SEC22A: variants seen among roughly 807,000 people sequenced by gnomAD.
SEC22A encodes vesicle-trafficking protein SEC22a.
SEC22A carries 22 observed loss-of-function variants against 35.3 expected under a neutral mutation model. That is an observed-to-expected ratio of 0.62 (90% CI 0.45 to 0.89). The LOEUF is 0.89. SEC22A is among the 40% of genes least tolerant of loss of function. The pLI, the probability that SEC22A is intolerant of heterozygous loss-of-function variation, is 0.00. For missense variants in SEC22A, 354 were observed against 362.5 expected (o/e 0.98, Z 0.19); for synonymous variants, 119 against 129.5 (o/e 0.92, Z 0.55).
chr3:123,240,451 A>G (rs568821417), intron 4 of SEC22A, among the ~76,000 whole-genome samples: 2 of 152,308 alleles, frequency 1.3e-5, no homozygotes, highest in East Asian at 3.9e-4. Context: ...TCATACATAC[A>G]TGTTGCCTGT....
chr3:123,264,399 G>A (rs1937974202), intron 6 of SEC22A, among the ~76,000 whole-genome samples: 1 of 152,106 alleles, frequency 6.6e-6, no homozygotes, highest in Non-Finnish European at 1.5e-5. Flanking sequence ...CAGAGTAGCT[G>A]TACCATTTTA....
intron 2 of SEC22A, among the ~76,000 whole-genome samples, chr3:123,215,268 T>C (rs1291436893): frequency 6.6e-6 from 1 of 152,248 alleles, no homozygotes; most frequent in Non-Finnish European, 1.5e-5. Context: ...GGAATCTTTC[T>C]CATTTCTACA....
chr3:123,225,468 C>T (rs1937204010), intron 4 of SEC22A, among the ~76,000 whole-genome samples, 171 bp downstream of exon 4: 1 of 152,142 alleles, frequency 6.6e-6, no homozygotes, highest in African/African-American at 2.4e-5. Flanking sequence ...AGATGTGTGA[C>T]TAATCGGGAA....
chr3:123,205,280 A>G (rs1936832746), intron 1 of SEC22A, among the ~76,000 whole-genome samples: 2 of 152,172 alleles, frequency 1.3e-5, no homozygotes, highest in African/African-American at 2.4e-5. Flanking sequence ...TTTTTTCCCT[A>G]AGAAAAATCT....
chr3:123,225,208 A>G lies in SEC22A; in HGVS notation c.452A>G (p.Tyr151Cys), dbSNP rs751918806. The G allele has an allele frequency of 1.2e-6, 2 of 1,613,728 alleles. No homozygotes were observed. Among genetic ancestry groups the G allele is most frequent in the East Asian group, 2.2e-5 (1 of 44,876 alleles). The part of the protein sequence containing the change: ...MQTEIKLRPP[Y>C]QISMCELGSA... ...ACGGAAATCAAGCTGAGGCCTCCTTATCAAATTTCCATGTGCGAACTGGGG... is the reference window on the plus strand; with the variant it reads ...ACGGAAATCAAGCTGAGGCCTCCTTGTCAAATTTCCATGTGCGAACTGGGG... The change falls in exon 4 of 7, where the codon TAT becomes TGT. Residue 151 changes from tyrosine to cysteine, a missense_variant. Physicochemically the swap from Tyr to Cys is radical, Grantham distance 194. Transcript: ENST00000492595.
chr3:123,254,732 CTTTTCT>C (rs1430009474), intron 5 of SEC22A, among the ~76,000 whole-genome samples: 8 of 145,318 alleles, frequency 5.5e-5, no homozygotes, highest in Admixed American at 3.4e-4. Flanking sequence ...TATTTCTTTT[CTTTTCT>C]TTTTTTTTAT....
rs757904850 is a variant in SEC22A at position 123,271,640 on chromosome 3, T to C, written c.842T>C (p.Phe281Ser). 9.9e-6 allele frequency: 16 copies of C among 1,614,234 alleles called. No homozygotes were observed. The highest frequency in any genetic ancestry group is 8.5e-7 in the Non-Finnish European group (1 of 1,180,038). ...CTGCGCAACCTCTGGCAGCTTTTCT[T>C]TCATGTGACTGTGGGAGCATTTGTT... ...YELRNLWQLF[F>S]HVTVGAFVTL... is the part of the protein sequence containing the mutation. The change falls in exon 7 of 7, where the codon TTT becomes TCT. Residue 281 changes from phenylalanine to serine, a missense_variant. Coordinates refer to ENST00000492595, the MANE Select transcript of SEC22A (RefSeq NM_012430.5).
At chr3:123,222,167 G>C (rs1004558817) in intron 2 of SEC22A, among the ~76,000 whole-genome samples, 1 of 151,198 alleles carries the variant, frequency 6.6e-6, no homozygotes, top group African/African-American at 2.4e-5. Context: ...ATTTGGACTA[G>C]TGTTAGGTAT....
At chr3:123,255,922 CT>C (rs35426251) in intron 5 of SEC22A, among the ~76,000 whole-genome samples, 267 of 143,610 alleles carry the variant, frequency 1.9e-3, no homozygotes, top group East Asian at 8.3e-3. Flanking sequence ...TTTCTTCTTT[CT>C]TTTTTTTTTT....
rs143699360 is a variant in SEC22A at position 123,205,494 on chromosome 3, C to A, written c.-20+3508C>A. 1.6e-4 allele frequency among the ~76,000 whole-genome samples: 24 copies of A among 152,214 alleles called. No individual in the cohort carries two copies. The East Asian group carries it at 4.6e-3, about 29-fold the overall frequency. ...ACTTGAGGTCAGAATTTGAGACCAG[C>A]CTGGCCAACACAGTTAAGCCCCATC... On this transcript the variant is annotated intron_variant, in intron 1 of 6. Transcript: ENST00000492595.
At chr3:123,236,454 A>G (rs1356660036) in intron 4 of SEC22A, among the ~76,000 whole-genome samples, 2 of 152,192 alleles carry the variant, frequency 1.3e-5, no homozygotes, top group Non-Finnish European at 2.9e-5. Flanking sequence ...AGGAGGATGG[A>G]GGCCCAGAGA....
chr3:123,251,296 C>A (rs1443295566), intron 5 of SEC22A, among the ~76,000 whole-genome samples: 1 of 152,060 alleles, frequency 6.6e-6, no homozygotes, highest in African/African-American at 2.4e-5. Flanking sequence ...TTAGAGTGGT[C>A]TTTTTTATTA....
intron 2 of SEC22A, among the ~76,000 whole-genome samples, chr3:123,219,923 G>T (rs1937092628): frequency 6.6e-6 from 1 of 152,050 alleles, no homozygotes; most frequent in Non-Finnish European, 1.5e-5. Context: ...TATACTTTGG[G>T]AAAACTAGCT....
At chr3:123,217,643 A>G (rs1937054785) in intron 2 of SEC22A, among the ~76,000 whole-genome samples, 1 of 152,210 alleles carries the variant, frequency 6.6e-6, no homozygotes, top group Admixed American at 6.5e-5. Context: ...CAGAGTTTCT[A>G]TGTATAGTGG....
intron 2 of SEC22A, among the ~76,000 whole-genome samples, chr3:123,212,154 T>C (rs746317271): frequency 1.3e-5 from 2 of 152,158 alleles, no homozygotes; most frequent in Non-Finnish European, 2.9e-5. Context: ...ATGTGGTTGA[T>C]ATTGTGAGGG....
chr3:123,216,295 G>C (rs2108037164), intron 2 of SEC22A, among the ~76,000 whole-genome samples: 1 of 152,232 alleles, frequency 6.6e-6, no homozygotes, highest in East Asian at 1.9e-4. Context: ...CTGGAGTGTG[G>C]CTGTGTTAGG....
intron 6 of SEC22A, among the ~76,000 whole-genome samples, chr3:123,260,928 C>T (rs1937880713): frequency 1.3e-5 from 2 of 151,644 alleles, no homozygotes; most frequent in Admixed American, 6.6e-5. Flanking sequence ...CTCCGCCTCC[C>T]AGGTTCACGG....
At chr3:123,211,424 A>T (rs1259279870) in intron 2 of SEC22A, among the ~76,000 whole-genome samples, 1 of 152,024 alleles carries the variant, frequency 6.6e-6, no homozygotes, top group Non-Finnish European at 1.5e-5. Flanking sequence ...ACTGTTTATG[A>T]GGTGTGAGGC....
chr3:123,209,074 T>G, intron 1 of SEC22A, 125 bp from the exon 2 acceptor site: 1 of 703,800 alleles, frequency 1.4e-6, no homozygotes, highest in Admixed American at 2.2e-5. Context: ...ATTACAGGTG[T>G]GAGCCACCAC....
Sources: gnomAD v4.1 joint callset for allele counts (sites outside exome capture counted in the v4.1 genomes callset) on GRCh38, gnomAD v4.1.1 for gene constraint, MANE v1.5 for transcripts, NCBI Gene and HGNC (gene_info 2026-07-23, HGNC 2026-07-21) for gene names.